The following ADAMTS12 variants were observed in gnomAD, a reference collection of about 807,000 sequenced individuals.
ADAMTS12 encodes ADAM metallopeptidase with thrombospondin type 1 motif 12.
In ADAMTS12, 118 loss-of-function variants were observed where a neutral mutation model predicts 167.8. That is an observed-to-expected ratio of 0.70 (90% confidence interval 0.61 to 0.82). ADAMTS12 has a LOEUF of 0.82. Ranked by LOEUF, ADAMTS12 falls within the 40% of genes least tolerant of loss-of-function variation. The pLI is 0.00. For missense variants in ADAMTS12, 1,916 were observed against 1,998.8 expected (o/e 0.96, Z 0.79); for synonymous variants, 704 against 716.9 (o/e 0.98, Z 0.29).
intron 20 of ADAMTS12, among the ~76,000 whole-genome samples, chr5:33,552,453 T>C (rs1032981914): frequency 6.6e-6 from 1 of 152,250 alleles, no homozygotes; most frequent in Non-Finnish European, 1.5e-5. Context: ...ATGTATGAGA[T>C]CACTGAGTTT....
chr5:33,741,328 C>T (rs1032307701), intron 3 of ADAMTS12, among the ~76,000 whole-genome samples: 1 of 152,184 alleles, frequency 6.6e-6, no homozygotes, highest in Non-Finnish European at 1.5e-5. Context: ...AGGCCTCTCT[C>T]CTTGGCTTGC....
chr5:33,735,237 G>A (rs2112359827), intron 3 of ADAMTS12, among the ~76,000 whole-genome samples: 1 of 152,216 alleles, frequency 6.6e-6, no homozygotes, highest in South Asian at 2.1e-4. Context: ...CAGATACTGT[G>A]CCCCACCCTA....
At chr5:33,714,845 A>G (rs191920990) in intron 3 of ADAMTS12, among the ~76,000 whole-genome samples, 179 of 152,186 alleles carry the variant, frequency 1.2e-3, no homozygotes, top group African/African-American at 4.1e-3. Flanking sequence ...GGGTACAGAC[A>G]TACAGTTACA....
chr5:33,723,872 G>A (rs765728601), intron 3 of ADAMTS12, among the ~76,000 whole-genome samples: 3 of 152,186 alleles, frequency 2.0e-5, no homozygotes, highest in Non-Finnish European at 4.4e-5. Context: ...GTACTTTGGA[G>A]AACACATGTT....
intron 3 of ADAMTS12, among the ~76,000 whole-genome samples, chr5:33,696,755 G>T (rs1312026760): frequency 1.3e-5 from 2 of 152,148 alleles, no homozygotes; most frequent in Non-Finnish European, 2.9e-5. Flanking sequence ...TTTCAATAGA[G>T]ATATTTACTA....
intron 20 of ADAMTS12, 122 bp downstream of exon 20, chr5:33,560,905 A>G: frequency 7.8e-7 from 1 of 1,284,678 alleles, no homozygotes; most frequent in Non-Finnish European, 1.1e-6. Flanking sequence ...TGTACCCTAG[A>G]ACTTTAATTA....
intron 5 of ADAMTS12, among the ~76,000 whole-genome samples, chr5:33,675,139 G>C (rs1032387402): frequency 1.3e-5 from 2 of 152,168 alleles, no homozygotes; most frequent in Admixed American, 6.5e-5. Context: ...ATAAACTTCT[G>C]TTCTTTATAA....
chr5:33,751,497 T>G lies in ADAMTS12; in HGVS notation c.541A>C (p.Lys181Gln). 1 of 1,614,124 alleles carries G rather than the reference T, an allele frequency of 6.2e-7. No individual in the cohort carries two copies. The highest frequency in any genetic ancestry group is 1.7e-5 in the Admixed American group (1 of 60,006). Residue 181 changes from lysine to glutamine, a missense_variant, in exon 3 of 24, where the codon AAG becomes CAG. Physicochemically the swap from Lys to Gln is moderately conservative, Grantham distance 53. Transcript: ENST00000504830. ...HGDFFIEPVK[K>Q]HPLVEGGYHP... ...TACCCTCCCTCAACCAGTGGATGCTTCTTCACGGGTTCAATGAAAAAGTCT... is the reference window on the plus strand; with the variant it reads ...TACCCTCCCTCAACCAGTGGATGCTGCTTCACGGGTTCAATGAAAAAGTCT...
chr5:33,736,395 C>T (rs1744376066), intron 3 of ADAMTS12, among the ~76,000 whole-genome samples: 1 of 152,138 alleles, frequency 6.6e-6, no homozygotes, highest in Non-Finnish European at 1.5e-5. Context: ...AAATTCTTGG[C>T]ATATTTTCCA....
At chr5:33,847,811 A>G (rs1435458375) in intron 2 of ADAMTS12, among the ~76,000 whole-genome samples, 4 of 152,158 alleles carry the variant, frequency 2.6e-5, no homozygotes, top group African/African-American at 9.7e-5. Context: ...GGCCACCTTT[A>G]ATGGGTGGGC....
At chr5:33,612,630 A>G (rs942674316) in intron 16 of ADAMTS12, among the ~76,000 whole-genome samples, 1 of 152,242 alleles carries the variant, frequency 6.6e-6, no homozygotes, top group Non-Finnish European at 1.5e-5. Context: ...ATTTATATCT[A>G]TAGTCACAAT....
chr5:33,689,334 T>C (rs186048269), intron 3 of ADAMTS12, among the ~76,000 whole-genome samples: 110 of 151,844 alleles, frequency 7.2e-4, no homozygotes, highest in African/African-American at 2.6e-3. Context: ...TTTAACTTAG[T>C]GGCATGGAGA....
At chr5:33,604,554 C>T (rs1011102263) in intron 16 of ADAMTS12, among the ~76,000 whole-genome samples, 4 of 151,462 alleles carry the variant, frequency 2.6e-5, no homozygotes, top group African/African-American at 4.8e-5. Flanking sequence ...CCCCACCACC[C>T]CCCTACTTAG....
At chr5:33,845,336 T>A (rs1431121020) in intron 2 of ADAMTS12, among the ~76,000 whole-genome samples, 1 of 152,068 alleles carries the variant, frequency 6.6e-6, no homozygotes, top group African/African-American at 2.4e-5. Context: ...CCCTAGAACA[T>A]CTTATTGTCC....
At chr5:33,553,148 A>C (rs898982094) in intron 20 of ADAMTS12, among the ~76,000 whole-genome samples, 9 of 152,236 alleles carry the variant, frequency 5.9e-5, no homozygotes, top group African/African-American at 2.2e-4. Context: ...AGAAATGCAA[A>C]TCAAAACCAC....
At chr5:33,833,776 CA>C (rs1179294762) in intron 2 of ADAMTS12, among the ~76,000 whole-genome samples, 4 of 151,980 alleles carry the variant, frequency 2.6e-5, no homozygotes, top group Admixed American at 1.3e-4. Flanking sequence ...AATTAATTCA[CA>C]AAAAAATTCA....
chr5:33,877,832 T>G (rs2111761964), intron 2 of ADAMTS12, among the ~76,000 whole-genome samples: 1 of 152,272 alleles, frequency 6.6e-6, no homozygotes, highest in African/African-American at 2.4e-5. Context: ...CAGAGGAGAC[T>G]AAATGAGTCT....
intron 13 of ADAMTS12, among the ~76,000 whole-genome samples, chr5:33,627,398 C>T (rs1275579812): frequency 3.6e-5 from 5 of 137,640 alleles, no homozygotes; most frequent in South Asian, 2.4e-4. Context: ...GTAGTGGTGG[C>T]GATGATGTAG....
At chr5:33,614,408 G>C in intron 15 of ADAMTS12, 32 bp from the exon 16 acceptor site, 1 of 1,611,152 alleles carries the variant, frequency 6.2e-7, no homozygotes, top group Non-Finnish European at 8.5e-7. Flanking sequence ...ATGTCAAACT[G>C]TCATGACTTT....
Sources: gnomAD v4.1 joint callset for allele counts (sites outside exome capture counted in the v4.1 genomes callset) on GRCh38, gnomAD v4.1.1 for gene constraint, MANE v1.5 for transcripts, NCBI Gene and HGNC (gene_info 2026-07-23, HGNC 2026-07-21) for gene names.